Variants in UBE2D3 observed in about 807,000 individuals in gnomAD.
The protein encoded by UBE2D3 is ubiquitin-conjugating enzyme E2 D3.
A neutral mutation model predicts 22.8 loss-of-function variants in UBE2D3; 2 were observed. That is an observed-to-expected ratio of 0.09 (90% CI 0.04 to 0.28). UBE2D3 has a LOEUF of 0.28. UBE2D3 is among the 10% of genes least tolerant of loss of function. The probability of loss-of-function intolerance (pLI) is 1.00; values close to 1 mark genes in which losing one functional copy is unlikely to be tolerated. For missense variants in UBE2D3, 27 were observed against 182.5 expected (o/e 0.15, Z 4.91); for synonymous variants, 56 against 60.4 (o/e 0.93, Z 0.34).
chr4:102,853,827 A>T (rs763920007), intron 1 of UBE2D3, among the ~76,000 whole-genome samples: 3 of 152,180 alleles, frequency 2.0e-5, no homozygotes, highest in Non-Finnish European at 4.4e-5. Context: ...AGTGAATTCA[A>T]TTTCGCCTAC....
intron 2 of UBE2D3, chr4:102,811,800 T>A (rs941521318): frequency 9.0e-6 from 4 of 443,916 alleles, no homozygotes; most frequent in Admixed American, 5.0e-5. Context: ...GAGGACAGCT[T>A]GAGCGCAGGA....
At chr4:102,819,278 C>A (rs1241764919) in intron 2 of UBE2D3, among the ~76,000 whole-genome samples, 1 of 150,658 alleles carries the variant, frequency 6.6e-6, no homozygotes, top group Non-Finnish European at 1.5e-5. Flanking sequence ...TGCAGTAAGC[C>A]GCAGTTGCGC....
At position 102,809,772 on chromosome 4, in the gene UBE2D3, T is replaced by G; in HGVS notation, c.88+20A>C. 1 of 1,613,490 alleles carries G rather than the reference T, an allele frequency of 6.2e-7. No homozygotes were observed. The highest frequency in any genetic ancestry group is 8.5e-7 in the Non-Finnish European group (1 of 1,179,886). On this transcript the variant is annotated intron_variant, in intron 3 of 7. Coordinates refer to ENST00000453744, the MANE Select transcript of UBE2D3 (RefSeq NM_181891.3). ...CTTAAAAAAAAATTAGGCATAAAAA[T>G]CAACTTGCAAGTTACTTACTATCAT...
At chr4:102,809,920 C>G in intron 2 of UBE2D3, 65 bp from the exon 3 acceptor site, 1 of 1,475,374 alleles carries the variant, frequency 6.8e-7, no homozygotes, top group Non-Finnish European at 9.4e-7. Context: ...CAAATGAGTC[C>G]ACTGCTTTCA....
chr4:102,812,875 C>T (rs1259551429), intron 2 of UBE2D3: 1 of 152,084 alleles, frequency 6.6e-6, no homozygotes, highest in Non-Finnish European at 1.5e-5. Context: ...GGGCATTTTG[C>T]CATTTAAAAA....
At chr4:102,842,147 T>G (rs1277003723) in intron 1 of UBE2D3, among the ~76,000 whole-genome samples, 1 of 152,000 alleles carries the variant, frequency 6.6e-6, no homozygotes, top group Non-Finnish European at 1.5e-5. Flanking sequence ...GTTATTACCG[T>G]AGATCTAGAT....
intron 6 of UBE2D3, among the ~76,000 whole-genome samples, chr4:102,800,510 CCAG>C (rs1296596288): frequency 6.6e-6 from 1 of 151,974 alleles, no homozygotes; most frequent in East Asian, 1.9e-4. Flanking sequence ...CTGTACACTC[CCAG>C]CAGTAGTAGA....
upstream of UBE2D3, among the ~76,000 whole-genome samples, chr4:102,832,199 A>T (rs1196019383): frequency 6.6e-6 from 1 of 152,184 alleles, no homozygotes; most frequent in African/African-American, 2.4e-5. Flanking sequence ...AAAAATTGTG[A>T]GGGAGGCTCC....
At chr4:102,827,632 C>G (rs549038703), upstream of UBE2D3, 4 of 986,876 alleles carry the variant, frequency 4.1e-6, no homozygotes, top group East Asian at 2.3e-4. Flanking sequence ...GCCGCCGTCC[C>G]GAGCACAAGA....
chr4:102,863,514 T>A (rs1733000470), intron 1 of UBE2D3, among the ~76,000 whole-genome samples: 1 of 152,058 alleles, frequency 6.6e-6, no homozygotes, highest in African/African-American at 2.4e-5. Context: ...TTTTCTTTTT[T>A]GAGACAGTCT....
At chr4:102,821,215 G>A (rs1356443736) in intron 2 of UBE2D3, among the ~76,000 whole-genome samples, 2 of 151,992 alleles carry the variant, frequency 1.3e-5, no homozygotes, top group Non-Finnish European at 2.9e-5. Flanking sequence ...CAAAATACTG[G>A]TTTTGGCAAG....
At chr4:102,853,135 A>ACCTTTTTTT (rs752835398) in intron 1 of UBE2D3, among the ~76,000 whole-genome samples, 4 of 88,598 alleles carry the variant, frequency 4.5e-5, no homozygotes, top group Non-Finnish European at 8.4e-5. Flanking sequence ...AAACACACAC[A>ACCTTTTTTT]TTTTTTTTTT....
upstream of UBE2D3, among the ~76,000 whole-genome samples, chr4:102,832,196 G>T (rs1731150538): frequency 6.6e-6 from 1 of 152,180 alleles, no homozygotes; most frequent in Non-Finnish European, 1.5e-5. Flanking sequence ...GAAAAAAATT[G>T]TGAGGGAGGC....
At chr4:102,850,764 A>G (rs1242914463) in intron 1 of UBE2D3, among the ~76,000 whole-genome samples, 9 of 152,228 alleles carry the variant, frequency 5.9e-5, no homozygotes, top group Non-Finnish European at 8.8e-5. Context: ...AAAAGAAATG[A>G]AATAATGGCA....
intron 2 of UBE2D3, among the ~76,000 whole-genome samples, chr4:102,817,182 A>G (rs1237357256): frequency 6.6e-6 from 1 of 152,246 alleles, no homozygotes; most frequent in African/African-American, 2.4e-5. Flanking sequence ...AGTTTGGTAT[A>G]CCAGACAGAG....
At chr4:102,837,088 G>A (rs1225347552) in intron 1 of UBE2D3, 1 of 152,140 alleles carries the variant, frequency 6.6e-6, no homozygotes, top group African/African-American at 2.4e-5. Context: ...TTCTAAAAGA[G>A]CAGTCACACT....
chr4:102,803,607 AT>A (rs1233618437), intron 4 of UBE2D3, among the ~76,000 whole-genome samples: 1 of 152,034 alleles, frequency 6.6e-6, no homozygotes, highest in African/African-American at 2.4e-5. Flanking sequence ...CCAAAGAACA[AT>A]TTTTTTTATC....
At chr4:102,840,551 A>G (rs1731693258) in intron 1 of UBE2D3, among the ~76,000 whole-genome samples, 1 of 152,152 alleles carries the variant, frequency 6.6e-6, no homozygotes, top group Non-Finnish European at 1.5e-5. Context: ...AATGATGGTT[A>G]CCAGAAGCTG....
In UBE2D3 at chr4:102,797,060, AT is replaced by A. The variant is rs1248615850; in HGVS notation, c.*354del. On this transcript the variant is annotated 3_prime_UTR_variant, in exon 8 of 8. Coordinates refer to ENST00000453744, the MANE Select transcript of UBE2D3 (RefSeq NM_181891.3). ...CATCCATCTCCCTCCCCCTCAGATGATTTCTTCAGCATGTTAGAGCAGTGAG... is the reference window on the plus strand; with the variant it reads ...CATCCATCTCCCTCCCCCTCAGATGATTCTTCAGCATGTTAGAGCAGTGAG... 5.5e-6 allele frequency: 1 copy of A among 180,544 alleles called. No homozygotes were observed. Among genetic ancestry groups the A allele is most frequent in the Non-Finnish European group, 1.2e-5 (1 of 85,458 alleles). 11.2% of individuals were successfully genotyped at this position (180,544 alleles called of 1,614,324 possible).
Sources: gnomAD v4.1 joint callset for allele counts (sites outside exome capture counted in the v4.1 genomes callset) on GRCh38, gnomAD v4.1.1 for gene constraint, MANE v1.5 for transcripts, NCBI Gene and HGNC (gene_info 2026-07-23, HGNC 2026-07-21) for gene names.